Variants in LANCL2 observed in about 807,000 individuals in gnomAD.
LANCL2 encodes lanC-like protein 2.
In LANCL2, 33 loss-of-function variants were observed where a neutral mutation model predicts 56.9. The ratio of observed to expected loss-of-function variants is 0.58; its 90% confidence interval spans 0.44 to 0.78. LANCL2 has a LOEUF of 0.78. LANCL2 is among the 30% of genes least tolerant of loss of function. The pLI is 0.00. For synonymous variants in LANCL2, 233 were observed against 228.2 expected, an observed-to-expected ratio of 1.02 and a Z score of -0.19; for missense variants, 562 against 580.2, an observed-to-expected ratio of 0.97 and a Z score of 0.32.
At chr7:55,385,024 A>G (rs1218275445) in intron 1 of LANCL2, among the ~76,000 whole-genome samples, 3 of 152,034 alleles carry the variant, frequency 2.0e-5, no homozygotes, top group Admixed American at 2.0e-4. Flanking sequence ...CTGTCTCTAC[A>G]CAAAATACAA....
chr7:55,366,068 G>T lies in LANCL2; in HGVS notation c.43G>T (p.Gly15Trp). 6.5e-7 allele frequency: 1 copy of T among 1,528,754 alleles called. No homozygotes were observed. 94.7% of individuals were successfully genotyped at this position (1,528,754 alleles called of 1,614,324 possible). ...AAAGAGGCTGAAGCTCCACCTGGGA[G>T]GGGAGGCAGAAATGGAGGAACGGGC... ...MSKRLKLHLG[G>W]EAEMEERAFV... is the part of the protein sequence containing the mutation. The change falls in exon 1 of 9, where the codon GGG becomes TGG. Residue 15 changes from glycine to tryptophan, a missense_variant. Coordinates refer to ENST00000254770, the MANE Select transcript of LANCL2 (RefSeq NM_018697.4).
intron 8 of LANCL2, among the ~76,000 whole-genome samples, chr7:55,429,138 G>A (rs1415926473): frequency 6.6e-6 from 1 of 152,220 alleles, no homozygotes; most frequent in African/African-American, 2.4e-5. Context: ...GTCTTGTGCT[G>A]TCTTTCTCTG....
intron 5 of LANCL2, among the ~76,000 whole-genome samples, chr7:55,405,826 C>T (rs549107225): frequency 5.3e-5 from 8 of 152,266 alleles, no homozygotes; most frequent in Admixed American, 1.3e-4. Flanking sequence ...GAACTTGGAA[C>T]ACTATGTAGT....
rs2128990305 is a variant in LANCL2 at position 55,366,153 on chromosome 7, C to T, written c.128C>T (p.Ala43Val). Reference sequence around the variant, plus strand: ...GCCGGGGCGCTGCTCGCCTCCGGAGCGGCCGAAGAGACAGGCTGTGTTCGT... The same window carrying T: ...GCCGGGGCGCTGCTCGCCTCCGGAGTGGCCGAAGAGACAGGCTGTGTTCGT... The part of the protein sequence containing the change: ...AAAGALLASG[A>V]AEETGCVRPP... Residue 43 changes from alanine (A) to valine (V), a missense_variant, in exon 1 of 9, where the codon GCG (alanine) becomes GTG (valine). Transcript: ENST00000254770. 4 of 1,551,498 alleles carry T rather than the reference C, an allele frequency of 2.6e-6. No homozygotes were observed. The highest frequency in any genetic ancestry group is 2.4e-5 in the East Asian group (1 of 41,186).
intron 6 of LANCL2, among the ~76,000 whole-genome samples, chr7:55,425,038 CA>C (rs1212204592): frequency 6.6e-6 from 1 of 152,162 alleles, no homozygotes; most frequent in Non-Finnish European, 1.5e-5. Context: ...TCACTGGTGC[CA>C]AAAAGGTTGG....
chr7:55,414,039 G>T (rs777308237), intron 6 of LANCL2, among the ~76,000 whole-genome samples: 15 of 152,098 alleles, frequency 9.9e-5, no homozygotes, highest in African/African-American at 3.6e-4. Flanking sequence ...TATATCACAT[G>T]CACCCATAAA....
intron 1 of LANCL2, 23 bp downstream of exon 1, chr7:55,366,252 G>A: frequency 6.9e-7 from 1 of 1,456,054 alleles, no homozygotes; most frequent in Non-Finnish European, 9.1e-7. Context: ...CCTGGCCGCA[G>A]AGGCGCCGGA....
chr7:55,402,229 G>A, intron 5 of LANCL2, among the ~76,000 whole-genome samples: 1 of 142,898 alleles, frequency 7.0e-6, no homozygotes, highest in East Asian at 2.2e-4. Flanking sequence ...CCCGGACGGG[G>A]CGGCTGGCCG....
intron 5 of LANCL2, among the ~76,000 whole-genome samples, chr7:55,401,881 C>T (rs1790332768): frequency 7.9e-6 from 1 of 125,920 alleles, no homozygotes; most frequent in Non-Finnish European, 1.7e-5. Flanking sequence ...TCAACAGGAT[C>T]CCAAGGCAGA....
At chr7:55,386,684 A>G (rs1259633159) in intron 1 of LANCL2, among the ~76,000 whole-genome samples, 1 of 152,142 alleles carries the variant, frequency 6.6e-6, no homozygotes, top group African/African-American at 2.4e-5. Flanking sequence ...CTTTTCCCCA[A>G]TTAGGACTCC....
intron 8 of LANCL2, among the ~76,000 whole-genome samples, chr7:55,428,666 T>C (rs1790695040): frequency 6.6e-6 from 1 of 152,330 alleles, no homozygotes; most frequent in African/African-American, 2.4e-5. Flanking sequence ...CTTAGGTTTT[T>C]TGTGAGGTGT....
In LANCL2 at chr7:55,399,978, G is replaced by T. The variant is rs532941386; in HGVS notation, c.552G>T (p.Ser184=). The change falls in exon 4 of 9, where the codon TCG becomes TCT. Residue 184 remains serine (S), a synonymous_variant. Coordinates refer to ENST00000254770, the MANE Select transcript of LANCL2 (RefSeq NM_018697.4). ...CVTKLLQLQR[S]VVCQESDLPD... The stretch of plus-strand genomic sequence containing the variant: ...TTAGACTTTTGCAGCTCCAGAGATC[G>T]GTTGTCTGCCAAGAATCAGACCTTC... 2 of 1,612,558 alleles carry T rather than the reference G, an allele frequency of 1.2e-6. No individual in the cohort carries two copies. The highest frequency in any genetic ancestry group is 1.3e-5 in the African/African-American group (1 of 74,988).
rs11546656 is a variant in LANCL2 at position 55,365,629 on chromosome 7, G to A, written c.-397G>A. On this transcript the variant is annotated 5_prime_UTR_variant, in exon 1 of 9. Transcript: ENST00000254770. The stretch of plus-strand genomic sequence containing the variant: ...TTCTTTGGAAATCGCGGAGGGGGCT[G>A]GCCGGGCGCAGCGATCCCCACCCCG... 0.048 allele frequency: 7,894 copies of A among 163,296 alleles called. 220 individuals carry two copies. The highest frequency in any genetic ancestry group is 0.076 in the Middle Eastern group (27 of 356). The allele number at this position is 163,296 out of a possible 1,614,324, so 10.1% of individuals were successfully genotyped here.
intron 5 of LANCL2, 62 bp downstream of exon 5, chr7:55,401,382 T>C: frequency 1.4e-6 from 2 of 1,439,862 alleles, no homozygotes; most frequent in Non-Finnish European, 1.9e-6. Flanking sequence ...GGGAAATGAA[T>C]CCTGCATATA....
chr7:55,424,810 C>T (rs1209258296), intron 6 of LANCL2, among the ~76,000 whole-genome samples: 1 of 152,218 alleles, frequency 6.6e-6, no homozygotes, highest in Non-Finnish European at 1.5e-5. Flanking sequence ...CCATCACTTG[C>T]ATTACTGTCT....
intron 5 of LANCL2, among the ~76,000 whole-genome samples, chr7:55,410,297 T>C (rs540045536): frequency 2.0e-4 from 30 of 152,364 alleles, no homozygotes; most frequent in African/African-American, 6.3e-4. Flanking sequence ...GAAATAAACT[T>C]AATGACCTAT....
At chr7:55,382,487 C>T (rs916719479) in intron 1 of LANCL2, among the ~76,000 whole-genome samples, 1 of 152,152 alleles carries the variant, frequency 6.6e-6, no homozygotes, top group African/African-American at 2.4e-5. Flanking sequence ...ACAAAGCCAG[C>T]TGAACTGGAG....
chr7:55,423,633 T>C (rs1790631937), intron 6 of LANCL2, among the ~76,000 whole-genome samples: 2 of 152,212 alleles, frequency 1.3e-5, no homozygotes, highest in South Asian at 4.1e-4. Flanking sequence ...AGCTAGCACT[T>C]CCCATGTGCC....
chr7:55,369,209 C>T lies in LANCL2; in HGVS notation c.204+2980C>T, dbSNP rs573962629. 3.3e-5 allele frequency among the ~76,000 whole-genome samples: 5 copies of T among 152,168 alleles called. No homozygotes were observed. In the South Asian group the frequency reaches 1.0e-3, roughly 32 times the overall value. On this transcript the variant is annotated intron_variant, in intron 1 of 8. Transcript: ENST00000254770. ...ATAAATTTATGTGGTTTTAAGCCAC[C>T]CAGTTTGTTGAACTTTGTGGTATCC...
Sources: allele counts gnomAD v4.1 joint callset (sites outside exome capture counted in the v4.1 genomes callset), GRCh38; gene constraint gnomAD v4.1.1; transcripts MANE v1.5; gene names NCBI Gene and HGNC (gene_info 2026-07-23, HGNC 2026-07-21).